Variants in DLGAP2 observed in about 807,000 individuals in gnomAD.
DLGAP2 encodes the protein DLG associated protein 2, also known as disks large-associated protein 2.
DLGAP2 carries 26 observed loss-of-function variants against 100.3 expected under a neutral mutation model. The observed-to-expected ratio is 0.26, with a 90% confidence interval of 0.19 to 0.36. The LOEUF (loss-of-function observed/expected upper bound fraction) is 0.36, where lower values mean the gene tolerates loss of function less well. Among genes scored for constraint, DLGAP2 ranks in the 10% least tolerant of loss-of-function variants. DLGAP2 has a pLI of 1.00. For missense variants in DLGAP2, 1,858 were observed against 1,453.2 expected, an observed-to-expected ratio of 1.28 and a Z score of -4.53; for synonymous variants, 886 against 630.1, an observed-to-expected ratio of 1.41 and a Z score of -6.08.
intron 3 of DLGAP2, among the ~76,000 whole-genome samples, chr8:1,320,839 G>A (rs981024014): frequency 1.3e-5 from 2 of 152,152 alleles, no homozygotes; most frequent in African/African-American, 4.8e-5. Context: ...GTCTGTGTGT[G>A]CACGTGTGTT....
At chr8:1,113,370 T>A (rs1018067697) in intron 2 of DLGAP2, among the ~76,000 whole-genome samples, 8 of 152,222 alleles carry the variant, frequency 5.3e-5, no homozygotes, top group African/African-American at 1.7e-4. Flanking sequence ...ATTCTCAGAT[T>A]TCTTTGAGGA....
At position 1,524,059 on chromosome 8, in the gene DLGAP2, G is replaced by A. The variant is rs1163795801; in HGVS notation, c.172+22628G>A. ...AAAGACGTTTCTGATCTGCAGGGAC[G>A]TCGTCCCGTGTAAGAGTTCAGCGGT... On this transcript the variant is annotated intron_variant, in intron 4 of 14. Transcript: ENST00000637795. Among the ~76,000 whole-genome samples, 13 of 152,178 alleles carry A rather than the reference G, an allele frequency of 8.5e-5. 1 individual carries two copies. In the South Asian group the frequency reaches 1.0e-3, roughly 12 times the overall value.
At chr8:1,487,594 G>C (rs182761080) in intron 3 of DLGAP2, among the ~76,000 whole-genome samples, 1 of 152,178 alleles carries the variant, frequency 6.6e-6, no homozygotes, top group Admixed American at 6.5e-5. Flanking sequence ...GAGGTTGTCC[G>C]TCTAACCCAG....
chr8:1,294,520 G>A (rs1357332298), intron 3 of DLGAP2, among the ~76,000 whole-genome samples: 1 of 152,164 alleles, frequency 6.6e-6, no homozygotes, highest in Non-Finnish European at 1.5e-5. Flanking sequence ...TTTCTCTCCT[G>A]CGATTTTGTG....
chr8:1,465,471 G>T (rs902010104), intron 3 of DLGAP2, among the ~76,000 whole-genome samples: 1 of 151,956 alleles, frequency 6.6e-6, no homozygotes, highest in Admixed American at 6.6e-5. Flanking sequence ...TGCTAGAGTG[G>T]CTCCCAGAAC....
At chr8:1,496,369 G>C (rs183490919) in intron 3 of DLGAP2, among the ~76,000 whole-genome samples, 3 of 152,092 alleles carry the variant, frequency 2.0e-5, no homozygotes, top group South Asian at 2.1e-4. Flanking sequence ...TCTGTCCTCT[G>C]AGTATGCGCT....
chr8:1,080,295 C>T (rs1433905920), intron 2 of DLGAP2, among the ~76,000 whole-genome samples: 1 of 152,134 alleles, frequency 6.6e-6, no homozygotes, highest in Non-Finnish European at 1.5e-5. Context: ...CGCCCGCGTG[C>T]TGCTGTGCTC....
chr8:1,519,768 C>T (rs749642577), intron 4 of DLGAP2, among the ~76,000 whole-genome samples: 82 of 152,386 alleles, frequency 5.4e-4, no homozygotes, highest in Non-Finnish European at 6.3e-4. Flanking sequence ...ATGTCAGCAT[C>T]CTGGGGACCT....
At chr8:1,571,984 A>G in intron 6 of DLGAP2, among the ~76,000 whole-genome samples, 1 of 131,980 alleles carries the variant, frequency 7.6e-6, no homozygotes. Flanking sequence ...GATGAGATGG[A>G]GAGGAGAGAG....
intron 3 of DLGAP2, among the ~76,000 whole-genome samples, chr8:1,484,979 G>T (rs1214454742): frequency 1.3e-5 from 2 of 152,140 alleles, no homozygotes; most frequent in African/African-American, 4.8e-5. Context: ...CAATAAGAAG[G>T]CATTATCTTA....
intron 1 of DLGAP2, among the ~76,000 whole-genome samples, chr8:871,712 A>C (rs1163518152): frequency 6.6e-6 from 1 of 152,124 alleles, no homozygotes; most frequent in African/African-American, 2.4e-5. Flanking sequence ...TGAAAAAAAA[A>C]ACCAATTTGA....
intron 2 of DLGAP2, among the ~76,000 whole-genome samples, chr8:915,142 T>C (rs2092140672): frequency 1.3e-5 from 2 of 152,200 alleles, no homozygotes; most frequent in African/African-American, 4.8e-5. Context: ...TCTTCCTAAA[T>C]TGAGAGAGAG....
intron 3 of DLGAP2, among the ~76,000 whole-genome samples, chr8:1,303,353 C>G (rs144644327): frequency 0.013 from 1,945 of 148,526 alleles, 50 homozygotes; most frequent in African/African-American, 0.045. Context: ...GCCGAGATCG[C>G]GCCACCGCAC....
intron 2 of DLGAP2, among the ~76,000 whole-genome samples, chr8:1,075,191 G>A (rs1479996102): frequency 6.6e-6 from 1 of 152,188 alleles, no homozygotes; most frequent in Non-Finnish European, 1.5e-5. Flanking sequence ...AGTGGGAGTT[G>A]CTGCAAAGCT....
chr8:1,581,326 CAGAAG>C (rs1377637625), intron 6 of DLGAP2, among the ~76,000 whole-genome samples: 2 of 150,636 alleles, frequency 1.3e-5, no homozygotes, highest in African/African-American at 4.9e-5. Context: ...GTCAAACTAC[CAGAAG>C]AGAAGGATAC....
intron 3 of DLGAP2, among the ~76,000 whole-genome samples, chr8:1,499,366 G>A (rs1799641412): frequency 6.6e-6 from 1 of 152,210 alleles, no homozygotes; most frequent in African/African-American, 2.4e-5. Context: ...CTGGTGTAAG[G>A]AGGGCTGAGG....
At chr8:1,651,730 C>G (rs1798169848) in intron 8 of DLGAP2, among the ~76,000 whole-genome samples, 1 of 152,238 alleles carries the variant, frequency 6.6e-6, no homozygotes, top group Non-Finnish European at 1.5e-5. Context: ...AGATGTCTGA[C>G]TTACAAGGCA....
At chr8:937,655 C>G (rs985124626) in intron 2 of DLGAP2, among the ~76,000 whole-genome samples, 1 of 152,140 alleles carries the variant, frequency 6.6e-6, no homozygotes, top group South Asian at 2.1e-4. Context: ...AGGCAGGGGC[C>G]TTATCTTGCC....
At chr8:1,437,729 A>T (rs1402578769) in intron 3 of DLGAP2, among the ~76,000 whole-genome samples, 3 of 147,186 alleles carry the variant, frequency 2.0e-5, no homozygotes, top group Non-Finnish European at 1.5e-5. Context: ...GCACTTTGGG[A>T]GGCGAAGGCA....
Sources: gnomAD v4.1 joint callset for allele counts (sites outside exome capture counted in the v4.1 genomes callset) on GRCh38, gnomAD v4.1.1 for gene constraint, MANE v1.5 for transcripts, NCBI Gene and HGNC (gene_info 2026-07-23, HGNC 2026-07-21) for gene names.